The following BCAS3 variants were observed in gnomAD, a reference collection of about 807,000 sequenced individuals.
BCAS3 encodes the protein BCAS4/BCAS3 fusion.
A neutral mutation model predicts 116.1 loss-of-function variants in BCAS3; 53 were observed. The ratio of observed to expected loss-of-function variants is 0.46; its 90% confidence interval spans 0.37 to 0.57. BCAS3 has a LOEUF of 0.57. BCAS3 is among the 20% of genes least tolerant of loss of function. The pLI is 0.00. For synonymous variants in BCAS3, 391 were observed against 408.2 expected (o/e 0.96, Z 0.51); for missense variants, 917 against 1,165.4 (o/e 0.79, Z 3.10).
At chr17:61,328,446 A>G (rs775883225) in intron 22 of BCAS3, among the ~76,000 whole-genome samples, 1 of 152,232 alleles carries the variant, frequency 6.6e-6, no homozygotes, top group Non-Finnish European at 1.5e-5. Context: ...TATTTCTCAC[A>G]GTTCTGGAAG....
At chr17:61,340,393 G>A (rs1055861596) in intron 22 of BCAS3, among the ~76,000 whole-genome samples, 1 of 152,044 alleles carries the variant, frequency 6.6e-6, no homozygotes, top group African/African-American at 2.4e-5. Flanking sequence ...CCATTTTCTC[G>A]ATGAAGCCGT....
intron 7 of BCAS3, chr17:60,810,848 C>G: frequency 1.4e-6 from 1 of 701,968 alleles, no homozygotes; most frequent in South Asian, 1.4e-5. Context: ...CAAGCCCAGA[C>G]TGCCAGCTCT....
intron 21 of BCAS3, among the ~76,000 whole-genome samples, chr17:61,080,833 T>C (rs1284268836): frequency 6.6e-6 from 1 of 152,212 alleles, no homozygotes; most frequent in East Asian, 1.9e-4. Context: ...TAATACCTTG[T>C]TTAGTATTTT....
At chr17:61,053,080 T>C (rs937036916) in intron 19 of BCAS3, among the ~76,000 whole-genome samples, 3 of 152,288 alleles carry the variant, frequency 2.0e-5, no homozygotes, top group South Asian at 4.2e-4. Flanking sequence ...AAAATATGAT[T>C]GCTTTACTAA....
rs1448331225 is a variant in BCAS3, at chr17:61,122,072, CA to C, written c.2425+37511del. On this transcript the variant is annotated intron_variant, in intron 22 of 23. Coordinates refer to ENST00000407086, the MANE Select transcript of BCAS3 (RefSeq NM_017679.5). This position sits in a 1 kb window ranked among gnomAD's most constrained non-coding sequence, Gnocchi z 4.6. ...AAAAGAAAATTTAAGAGAAAGTATG[CA>C]AAGATAGATTGATTTTCTTAATATT... is the stretch of plus-strand genomic sequence containing the variant. Among the ~76,000 whole-genome samples the C allele has an allele frequency of 6.6e-6, 1 of 152,170 alleles. No homozygotes were observed. Among genetic ancestry groups the C allele is most frequent in the Non-Finnish European group, 1.5e-5 (1 of 68,034 alleles).
chr17:61,321,880 T>C (rs963128286), intron 22 of BCAS3, among the ~76,000 whole-genome samples: 2 of 152,112 alleles, frequency 1.3e-5, no homozygotes, highest in Admixed American at 6.5e-5. Context: ...TTCAGCTTAG[T>C]TCCTTTTTAA....
chr17:60,843,219 A>ATT (rs10716314), intron 7 of BCAS3, among the ~76,000 whole-genome samples: 2 of 136,042 alleles, frequency 1.5e-5, no homozygotes, highest in East Asian at 2.1e-4. Context: ...TTGTTTGTTA[A>ATT]TTTTTTTTTT....
At chr17:61,385,740 G>A (rs919096904) in intron 23 of BCAS3, among the ~76,000 whole-genome samples, 1 of 152,262 alleles carries the variant, frequency 6.6e-6, no homozygotes, top group African/African-American at 2.4e-5. Flanking sequence ...CCCTGCTGAT[G>A]TGGGAGAGCT....
rs370982849 is a variant in BCAS3, at chr17:61,362,164, G to A, written c.2426-6163G>A. Among the ~76,000 whole-genome samples, 10 of 152,190 alleles carry A rather than the reference G, an allele frequency of 6.6e-5. No homozygotes were observed. The South Asian group carries it at 1.0e-3, about 16-fold the overall frequency. On this transcript the variant is annotated intron_variant, in intron 22 of 23. Coordinates refer to ENST00000407086, the MANE Select transcript of BCAS3 (RefSeq NM_017679.5). The surrounding 1 kb of genome is among the most constrained non-coding windows in gnomAD (Gnocchi z 4.4). ...TAGTGTGGAGAAAGGGGTGCTCCCC[G>A]CAGCAGCACTCTTAAGCTCCGTTTG...
At chr17:61,372,740 T>C (rs1377591964) in intron 23 of BCAS3, among the ~76,000 whole-genome samples, 5 of 152,196 alleles carry the variant, frequency 3.3e-5, no homozygotes, top group African/African-American at 1.2e-4. Flanking sequence ...CCTGGAATGC[T>C]GTCTCTCAAA....
chr17:60,880,997 C>T (rs577038858), intron 9 of BCAS3, among the ~76,000 whole-genome samples: 11 of 151,344 alleles, frequency 7.3e-5, no homozygotes, highest in South Asian at 2.1e-4. Flanking sequence ...GTTTTTGAGA[C>T]GGAGTCTCGC....
chr17:60,685,518 A>G (rs1374402875), intron 3 of BCAS3, among the ~76,000 whole-genome samples: 1 of 151,810 alleles, frequency 6.6e-6, no homozygotes, highest in Non-Finnish European at 1.5e-5. Flanking sequence ...TCAGCTCTGC[A>G]TCTTACTAGT....
In BCAS3 at chr17:61,105,723, G is replaced by A. The variant is rs749380904; in HGVS notation, c.2425+21159G>A. Among the ~76,000 whole-genome samples, 5 of 151,860 alleles carry A rather than the reference G, an allele frequency of 3.3e-5. No homozygotes were observed. The East Asian group carries it at 5.8e-4, about 18-fold the overall frequency. ...ATTACAGGTGTGAGCCACTGTGCCC[G>A]GCCTAAACCCACAGAATTCTTATAC... On this transcript the variant is annotated intron_variant, in intron 22 of 23. Coordinates refer to ENST00000407086, the MANE Select transcript of BCAS3 (RefSeq NM_017679.5). The surrounding 1 kb of genome is among the most constrained non-coding windows in gnomAD (Gnocchi z 4.3).
Position 61,028,634 on chromosome 17 carries a change from C to T in BCAS3, c.1638-6032C>T, listed in dbSNP as rs2145579192. ...TATGTTAAGTAAGTAAAGTTCATTC[C>T]TTCAACAGCTTACGTGCTCCTCACA... On this transcript the variant is annotated intron_variant, in intron 16 of 23. Coordinates refer to ENST00000407086, the MANE Select transcript of BCAS3 (RefSeq NM_017679.5). The surrounding 1 kb of genome is among the most constrained non-coding windows in gnomAD (Gnocchi z 4.3). Among the ~76,000 whole-genome samples, 1 of 151,974 alleles carries T rather than the reference C, an allele frequency of 6.6e-6. No homozygotes were observed. Among genetic ancestry groups the T allele is most frequent in the Middle Eastern group, 3.4e-3 (1 of 294 alleles).
At position 60,703,741 on chromosome 17, in the gene BCAS3, C is replaced by T. The variant is rs1471233174; in HGVS notation, c.215-5478C>T. On this transcript the variant is annotated intron_variant, in intron 4 of 23. Coordinates refer to ENST00000407086, the MANE Select transcript of BCAS3 (RefSeq NM_017679.5). ...CATCCTGGCTAACATGGTGAAACCC[C>T]GTTTCTACTAAAAATACAAAAAATT... 4.0e-5 allele frequency among the ~76,000 whole-genome samples: 6 copies of T among 151,366 alleles called. No individual in the cohort carries two copies. In the East Asian group the frequency reaches 9.8e-4, roughly 25 times the overall value.
At position 61,145,577 on chromosome 17, in the gene BCAS3, G is replaced by C. The variant is rs933659755; in HGVS notation, c.2425+61013G>C. ...CCAACCATCTTGCTGATCTGTGCAG[G>C]AGTTCATTGAACTGTACAGCACAGC... is the stretch of plus-strand genomic sequence containing the variant. On this transcript the variant is annotated intron_variant, in intron 22 of 23. Transcript: ENST00000407086. The surrounding 1 kb of genome is among the most constrained non-coding windows in gnomAD (Gnocchi z 5.0). Among the ~76,000 whole-genome samples, 1 of 152,102 alleles carries C rather than the reference G, an allele frequency of 6.6e-6. No individual in the cohort carries two copies. Among genetic ancestry groups the C allele is most frequent in the Non-Finnish European group, 1.5e-5 (1 of 68,006 alleles).
chr17:60,947,997 TGG>T (rs1300147772), intron 14 of BCAS3, among the ~76,000 whole-genome samples: 2 of 152,202 alleles, frequency 1.3e-5, no homozygotes, highest in Non-Finnish European at 2.9e-5. Context: ...TACACGTGCA[TGG>T]GTACACATAT....
intron 7 of BCAS3, among the ~76,000 whole-genome samples, chr17:60,854,670 G>A (rs2053497377): frequency 1.3e-5 from 2 of 152,150 alleles, no homozygotes; most frequent in African/African-American, 4.8e-5. Flanking sequence ...AGTTAGAATG[G>A]CGATCATTAA....
intron 22 of BCAS3, among the ~76,000 whole-genome samples, chr17:61,177,242 A>G (rs2079200246): frequency 6.6e-6 from 1 of 152,220 alleles, no homozygotes; most frequent in African/African-American, 2.4e-5. Context: ...CCATATAAGA[A>G]CCGTACATGA....
Sources: allele counts gnomAD v4.1 joint callset (sites outside exome capture counted in the v4.1 genomes callset), GRCh38; gene constraint gnomAD v4.1.1; non-coding constraint Gnocchi (gnomAD v3.1); transcripts MANE v1.5; gene names NCBI Gene and HGNC (gene_info 2026-07-23, HGNC 2026-07-21).